The following SNX2 variants were observed in gnomAD, a reference collection of about 807,000 sequenced individuals.
SNX2 encodes the protein sorting nexin-2.
A neutral mutation model predicts 69.9 loss-of-function variants in SNX2; 25 were observed. The observed-to-expected ratio is 0.36, with a 90% CI of 0.26 to 0.50. The LOEUF (loss-of-function observed/expected upper bound fraction) is 0.50. Among genes scored for constraint, SNX2 ranks in the 20% least tolerant of loss-of-function variants. The probability of loss-of-function intolerance (pLI) is 0.97; values close to 1 mark genes in which losing one functional copy is unlikely to be tolerated. For synonymous variants in SNX2, 229 were observed against 200.4 expected (o/e 1.14, Z -1.20); for missense variants, 551 against 613.3 (o/e 0.90, Z 1.07).
At chr5:122,784,505 T>C (rs776757770) in intron 1 of SNX2, among the ~76,000 whole-genome samples, 3 of 151,312 alleles carry the variant, frequency 2.0e-5, no homozygotes, top group Middle Eastern at 3.4e-3. Flanking sequence ...ATTATATTGA[T>C]TTTTTTTTCT....
chr5:122,820,479 T>C (rs1179354822), intron 11 of SNX2, among the ~76,000 whole-genome samples: 1 of 151,666 alleles, frequency 6.6e-6, no homozygotes, highest in East Asian at 1.9e-4. Flanking sequence ...GAGGTTGCAG[T>C]GAGCTGGGAT....
At chr5:122,782,076 G>C (rs2150000238) in intron 1 of SNX2, among the ~76,000 whole-genome samples, 1 of 152,168 alleles carries the variant, frequency 6.6e-6, no homozygotes, top group Admixed American at 6.5e-5. Context: ...ACATTTACCA[G>C]CACAACACTG....
At chr5:122,803,383 C>G (rs1342849665) in intron 5 of SNX2, 89 bp from the exon 6 acceptor site, 1 of 1,259,536 alleles carries the variant, frequency 7.9e-7, no homozygotes, top group Non-Finnish European at 1.1e-6. Flanking sequence ...AAAGTAGATA[C>G]ATGTATGTGT....
chr5:122,812,660 T>C (rs1363614), intron 7 of SNX2, among the ~76,000 whole-genome samples: 60,444 of 152,040 alleles, frequency 0.4, 12,584 homozygotes, highest in African/African-American at 0.49. Flanking sequence ...GTTTATTATG[T>C]TTATAGTTTA....
intron 1 of SNX2, among the ~76,000 whole-genome samples, chr5:122,782,519 G>A (rs1402981268): frequency 4.0e-5 from 6 of 151,880 alleles, no homozygotes; most frequent in East Asian, 3.9e-4. Context: ...GATTACAGGC[G>A]TGAGCCATCA....
At chr5:122,794,932 A>C (rs886413925) in intron 1 of SNX2, among the ~76,000 whole-genome samples, 1 of 152,176 alleles carries the variant, frequency 6.6e-6, no homozygotes, top group Non-Finnish European at 1.5e-5. Flanking sequence ...CTGAGGTGGA[A>C]GGATCATTTG....
intron 7 of SNX2, among the ~76,000 whole-genome samples, chr5:122,811,059 C>A (rs1047301085): frequency 1.3e-5 from 2 of 152,172 alleles, no homozygotes; most frequent in African/African-American, 4.8e-5. Flanking sequence ...AAACATCAAA[C>A]AGGTACCATC....
At chr5:122,801,657 G>GTGTA (rs1753515942) in intron 3 of SNX2, among the ~76,000 whole-genome samples, 1 of 143,966 alleles carries the variant, frequency 6.9e-6, no homozygotes, top group Non-Finnish European at 1.5e-5. Context: ...TTTTTCGTGT[G>GTGTA]TGTGTGTGTG....
chr5:122,799,704 A>T lies in SNX2; in HGVS notation c.239A>T (p.Glu80Val), dbSNP rs1753466462. ...AATCTATGTCTAGAAGCCACAGAAGAAGTTTCTTTGGACAGCCCTGAAAGG... is the reference window on the plus strand; with the variant it reads ...AATCTATGTCTAGAAGCCACAGAAGTAGTTTCTTTGGACAGCCCTGAAAGG... The part of the protein sequence containing the change: ...REDLFAEATE[E>V]VSLDSPEREP... Residue 80 changes from glutamate to valine, a missense_variant, in exon 3 of 15, where the codon GAA (glutamate) becomes GTA (valine). Glu to Val is a moderately radical substitution (Grantham distance 121). This residue lies in a region of SNX2 where 191 missense variants were observed against 162.9 expected (regional missense o/e 1.17). Coordinates refer to ENST00000379516, the MANE Select transcript of SNX2 (RefSeq NM_003100.4). 1 of 1,611,928 alleles carries T rather than the reference A, an allele frequency of 6.2e-7. No individual in the cohort carries two copies. Among genetic ancestry groups the T allele is most frequent in the Non-Finnish European group, 8.5e-7 (1 of 1,178,860 alleles).
At chr5:122,826,218 TTTAC>T in intron 12 of SNX2, 25 bp downstream of exon 12, 4 of 1,584,118 alleles carry the variant, frequency 2.5e-6, no homozygotes, top group Admixed American at 1.7e-5. Context: ...CTTTAATCTC[TTTAC>T]TTAAGTTTTG....
chr5:122,826,143 G>A lies in SNX2; in HGVS notation c.1306G>A (p.Val436Ile). Reference sequence around the variant, plus strand: ...ACGTGAAGCTGAAGCAAAAATGATGGTTGCTAACAAACCAGATAAAATACA... The same window carrying A: ...ACGTGAAGCTGAAGCAAAAATGATGATTGCTAACAAACCAGATAAAATACA... ...KKREAEAKMM[V>I]ANKPDKIQQA... Residue 436 changes from valine to isoleucine, a missense_variant, in exon 12 of 15, where the codon GTT becomes ATT. By Grantham distance (29) the Val-to-Ile change is conservative. Around this residue, in one of 2 missense-constraint regions of SNX2, gnomAD observed 360 missense variants for 450.4 expected, o/e 0.80. Transcript: ENST00000379516. 1.2e-6 allele frequency: 2 copies of A among 1,613,026 alleles called. No individual in the cohort carries two copies. Among genetic ancestry groups the A allele is most frequent in the Non-Finnish European group, 1.7e-6 (2 of 1,179,334 alleles).
At chr5:122,783,713 CTAACTT>C (rs1351637528) in intron 1 of SNX2, among the ~76,000 whole-genome samples, 2 of 152,156 alleles carry the variant, frequency 1.3e-5, no homozygotes, top group African/African-American at 2.4e-5. Context: ...AATGACTCCT[CTAACTT>C]TGTTATTTTA....
At chr5:122,827,668 CTT>C in intron 14 of SNX2, 22 bp downstream of exon 14, 1 of 1,544,374 alleles carries the variant, frequency 6.5e-7, no homozygotes, top group Non-Finnish European at 8.9e-7. Context: ...TTGTTTATAA[CTT>C]AAACTTCTAG....
At position 122,833,912 on chromosome 5, in the gene SNX2, G is replaced by T. The variant is rs1754350916; in HGVS notation, c.*4264G>T. The T allele has an allele frequency of 6.6e-6, 1 of 152,192 alleles. No homozygotes were observed. Among genetic ancestry groups the T allele is most frequent in the Non-Finnish European group, 1.5e-5 (1 of 68,008 alleles). The allele number at this position is 152,192 out of a possible 1,614,324, so 9.4% of individuals were successfully genotyped here. On this transcript the variant is annotated 3_prime_UTR_variant, in exon 15 of 15. Coordinates refer to ENST00000379516, the MANE Select transcript of SNX2 (RefSeq NM_003100.4). ...TATGTGCAAGACTTTGTAGCATAAT[G>T]TTTTGCAAGTAGTGGATGTTCAATA...
chr5:122,787,773 C>CT (rs1389875252), intron 1 of SNX2, among the ~76,000 whole-genome samples: 1 of 152,112 alleles, frequency 6.6e-6, no homozygotes, highest in Non-Finnish European at 1.5e-5. Flanking sequence ...GTTTGTTTTT[C>CT]TTTCCTTGTT....
At position 122,829,646 on chromosome 5, in the gene SNX2, T is replaced by C. The variant is rs1408992689; in HGVS notation, c.1558T>C (p.Ter520GlnextTer2). 6.2e-7 allele frequency: 1 copy of C among 1,612,948 alleles called. No individual in the cohort carries two copies. The highest frequency in any genetic ancestry group is 8.5e-7 in the Non-Finnish European group (1 of 1,178,930). The change falls in exon 15 of 15, where the codon TAG becomes CAG. Residue 520 changes from the stop codon to glutamine (Q), a stop_lost. Transcript: ENST00000379516. Reference protein sequence around the residue: ...AFLPEAKAIA* With the variant: ...AFLPEAKAIAQ ...CCTACCTGAAGCCAAAGCCATTGCC[T>C]AGCAATAAGATTGTTGCCGTTAAGA...
Position 122,826,155 on chromosome 5 carries a change from C to A in SNX2, c.1318C>A (p.Pro440Thr), listed in dbSNP as rs779012736. The A allele has an allele frequency of 1.2e-6, 2 of 1,612,776 alleles. No homozygotes were observed. The highest frequency in any genetic ancestry group is 1.7e-6 in the Non-Finnish European group (2 of 1,179,174). Residue 440 changes from proline to threonine, a missense_variant, in exon 12 of 15, where the codon CCA (proline) becomes ACA (threonine). Around this residue, in one of 2 missense-constraint regions of SNX2, gnomAD observed 360 missense variants for 450.4 expected, o/e 0.80. Transcript: ENST00000379516. ...AEAKMMVANK[P>T]DKIQQAKNEI... Reference sequence around the variant, plus strand: ...AGCAAAAATGATGGTTGCTAACAAACCAGATAAAATACAGCAAGCTAAAAA... The same window carrying A: ...AGCAAAAATGATGGTTGCTAACAAAACAGATAAAATACAGCAAGCTAAAAA...
chr5:122,774,996 A>AGGCC, upstream of SNX2: 2 of 1,110,356 alleles, frequency 1.8e-6, no homozygotes, highest in Non-Finnish European at 2.3e-6. Context: ...GGGCCTTGAG[A>AGGCC]GGCCGGCCGG....
intron 1 of SNX2, among the ~76,000 whole-genome samples, chr5:122,787,145 C>T (rs1206947327): frequency 6.6e-6 from 1 of 152,166 alleles, no homozygotes; most frequent in Non-Finnish European, 1.5e-5. Context: ...GAAAATAGCT[C>T]TTTTCCTATT....
Sources: gnomAD v4.1 joint callset for allele counts (sites outside exome capture counted in the v4.1 genomes callset) on GRCh38, gnomAD v4.1.1 for gene constraint, gnomAD v4.1.1 regional missense constraint, MANE v1.5 for transcripts, NCBI Gene and HGNC (gene_info 2026-07-23, HGNC 2026-07-21) for gene names.